USP43: variants seen among roughly 807,000 people sequenced by gnomAD.
USP43 encodes the protein ubiquitin carboxyl-terminal hydrolase 43.
Under a neutral mutation model 90.7 loss-of-function variants are expected in USP43, and 33 were observed. The observed-to-expected ratio is 0.36, with a 90% CI of 0.28 to 0.49. The LOEUF is 0.49. USP43 is among the 20% of genes least tolerant of loss of function. USP43 has a pLI of 0.98. For missense variants in USP43, 1,274 were observed against 1,476.4 expected (o/e 0.86, Z 2.25); for synonymous variants, 598 against 615.8 (o/e 0.97, Z 0.43).
chr17:9,710,200 A>G (rs1916106236), intron 13 of USP43, 86 bp downstream of exon 13: 8 of 1,328,080 alleles, frequency 6.0e-6, no homozygotes, highest in Non-Finnish European at 6.8e-6. Context: ...ATCGAGGACC[A>G]GGAGAGGTTG....
At chr17:9,693,376 C>A in intron 9 of USP43, 146 bp downstream of exon 9, 1 of 690,074 alleles carries the variant, frequency 1.4e-6, no homozygotes, top group Non-Finnish European at 2.5e-6. Flanking sequence ...TATGTTAGGT[C>A]ATTGGGCATG....
chr17:9,683,523 T>C (rs1248735272), intron 7 of USP43, among the ~76,000 whole-genome samples: 2 of 152,276 alleles, frequency 1.3e-5, no homozygotes, highest in Admixed American at 6.5e-5. Context: ...AATTAAACTA[T>C]TATTAATTAG....
chr17:9,714,640 A>G (rs437735), intron 14 of USP43, among the ~76,000 whole-genome samples: 59,976 of 147,368 alleles, frequency 0.41, 15,456 homozygotes, highest in African/African-American at 0.74. Flanking sequence ...CTTAGATCAC[A>G]CCACTGCACT....
At position 9,656,405 on chromosome 17, in the gene USP43, T is replaced by A. The variant is rs571319363; in HGVS notation, c.507T>A (p.Asn169Lys). The A allele has an allele frequency of 6.2e-7, 1 of 1,610,814 alleles. No individual in the cohort carries two copies. Residue 169 changes from asparagine (N) to lysine (K), a missense_variant and splice_region_variant, in exon 2 of 15, where the codon AAT becomes AAA. Around this residue, in one of 6 missense-constraint regions of USP43, gnomAD observed 259 missense variants for 373.7 expected, o/e 0.69. Coordinates refer to ENST00000285199, the MANE Select transcript of USP43 (RefSeq NM_153210.5). The stretch of plus-strand genomic sequence containing the variant: ...TCGATTTCCTTTTTTCCTTTCAGAA[T>A]GCAGTTTCCAAGTACGGCTCTCAGT... ...YTPQLSAEFK[N>K]AVSKYGSQFQ...
At chr17:9,685,535 A>G (rs568826839) in intron 7 of USP43, among the ~76,000 whole-genome samples, 2 of 152,326 alleles carry the variant, frequency 1.3e-5, no homozygotes, top group Admixed American at 1.3e-4. Flanking sequence ...CTAGCTGGTC[A>G]TTTTGAGTAA....
At chr17:9,658,512 A>G (rs1008406262) in intron 2 of USP43, among the ~76,000 whole-genome samples, 4 of 152,194 alleles carry the variant, frequency 2.6e-5, no homozygotes, top group Admixed American at 1.3e-4. Flanking sequence ...ATATTTTAAA[A>G]ATAATCACCC....
At chr17:9,694,661 C>T (rs918982613) in intron 9 of USP43, among the ~76,000 whole-genome samples, 25 of 151,816 alleles carry the variant, frequency 1.6e-4, no homozygotes, top group Non-Finnish European at 3.4e-4. Flanking sequence ...CTCGCTTTGT[C>T]TTCCAGGCTC....
intron 2 of USP43, among the ~76,000 whole-genome samples, chr17:9,666,094 A>C (rs113157587): frequency 0.019 from 2,837 of 152,312 alleles, 73 homozygotes; most frequent in African/African-American, 0.056. Context: ...AAGGGGAATG[A>C]AAAGGACAGC....
At chr17:9,710,196 G>A (rs371882039) in intron 13 of USP43, 82 bp downstream of exon 13, 3 of 1,332,134 alleles carry the variant, frequency 2.3e-6, no homozygotes, top group African/African-American at 3.0e-5. Flanking sequence ...GAACATCGAG[G>A]ACCAGGAGAG....
chr17:9,666,692 A>G lies in USP43; in HGVS notation c.681A>G (p.Pro227=). 6.2e-7 allele frequency: 1 copy of G among 1,613,560 alleles called. No individual in the cohort carries two copies. The highest frequency in any genetic ancestry group is 1.1e-5 in the South Asian group (1 of 90,918). ...AAACCTCTGAGAACTGCCTGTCACC[A>G]TCAGCTCAGCTTCCTCTAGGTCAAA... ...ATKTSENCLS[P]SAQLPLGQSF... Residue 227 remains proline (P), a synonymous_variant, in exon 3 of 15, where the codon CCA becomes CCG. Coordinates refer to ENST00000285199, the MANE Select transcript of USP43 (RefSeq NM_153210.5).
At chr17:9,673,951 C>T (rs141941930) in intron 3 of USP43, among the ~76,000 whole-genome samples, 105 of 152,274 alleles carry the variant, frequency 6.9e-4, no homozygotes, top group African/African-American at 2.3e-3. Context: ...CAGTGATTCT[C>T]TACTATGGGA....
chr17:9,660,779 G>T (rs1473497155), intron 2 of USP43, among the ~76,000 whole-genome samples: 1 of 152,196 alleles, frequency 6.6e-6, no homozygotes, highest in East Asian at 1.9e-4. Flanking sequence ...GGTGGCTATT[G>T]GCTAGAGAGA....
intron 1 of USP43, 74 bp from the exon 2 acceptor site, chr17:9,656,329 C>T (rs1335390032): frequency 1.3e-6 from 2 of 1,542,604 alleles, no homozygotes; most frequent in Admixed American, 3.8e-5. Flanking sequence ...CTTGGTAGAC[C>T]TGGTGCTCAC....
intron 14 of USP43, among the ~76,000 whole-genome samples, chr17:9,715,020 G>A (rs1424864043): frequency 6.6e-6 from 1 of 152,170 alleles, no homozygotes; most frequent in African/African-American, 2.4e-5. Flanking sequence ...GGAGGAAGTG[G>A]CAGTGTGTAC....
Position 9,674,988 on chromosome 17 carries a change from G to A in USP43, c.833+5G>A, listed in dbSNP as rs1396036039. ...TATCCCCTTGCGCCAGACGAGGTAC[G>A]TGAGTGTCGCGGCTTGCCCGGTGAA... On this transcript the variant is annotated splice_donor_5th_base_variant and intron_variant, in intron 4 of 14. Transcript: ENST00000285199. The surrounding 1 kb of genome is among the most constrained non-coding windows in gnomAD (Gnocchi z 4.4). 1 of 1,613,092 alleles carries A rather than the reference G, an allele frequency of 6.2e-7. No homozygotes were observed. The highest frequency in any genetic ancestry group is 2.2e-5 in the East Asian group (1 of 44,886).
chr17:9,709,586 G>C lies in USP43; in HGVS notation c.2012-370G>C, dbSNP rs1916067731. Among the ~76,000 whole-genome samples the C allele has an allele frequency of 6.6e-6, 1 of 151,938 alleles. No homozygotes were observed. The highest frequency in any genetic ancestry group is 1.5e-5 in the Non-Finnish European group (1 of 67,986). ...TAAATATTAGCCGGGTGTGGTGGCA[G>C]GCAACTGTAATCCTAGCTACCCAGG... On this transcript the variant is annotated intron_variant, in intron 12 of 14. Coordinates refer to ENST00000285199, the MANE Select transcript of USP43 (RefSeq NM_153210.5). This position sits in a 1 kb window ranked among gnomAD's most constrained non-coding sequence, Gnocchi z 5.0.
At chr17:9,707,208 G>A (rs906480342) in intron 12 of USP43, among the ~76,000 whole-genome samples, 13 of 152,220 alleles carry the variant, frequency 8.5e-5, no homozygotes, top group East Asian at 1.9e-4. Context: ...CCTGATGTGC[G>A]CATCCATTTA....
chr17:9,725,102 C>T (rs888474615), intron 14 of USP43, among the ~76,000 whole-genome samples: 2 of 152,178 alleles, frequency 1.3e-5, no homozygotes, highest in Non-Finnish European at 2.9e-5. Flanking sequence ...GCAGCATCTG[C>T]TGGCTCCAGA....
rs1387677568 is a variant in USP43 at position 9,681,157 on chromosome 17, TAC to T, written c.1105+792_1105+793del. On this transcript the variant is annotated intron_variant, in intron 6 of 14. Coordinates refer to ENST00000285199, the MANE Select transcript of USP43 (RefSeq NM_153210.5). ...TATATAATATATACTATATAATATA[TAC>T]TATATAATATATACTATATAATATA... is the stretch of plus-strand genomic sequence containing the variant. Among the ~76,000 whole-genome samples, 1,039 of 104,324 alleles carry T rather than the reference TAC, an allele frequency of 1.0e-2. 126 individuals are homozygous for T. Among genetic ancestry groups the T allele is most frequent in the African/African-American group, 0.047 (991 of 21,082 alleles). The allele number at this position is 104,324 out of a possible 152,430, so 68.4% of individuals were successfully genotyped here. A position where few individuals can be genotyped will look rare whatever the true frequency, so the allele number is the denominator to read the frequency against.
Sources: gnomAD v4.1 joint callset for allele counts (sites outside exome capture counted in the v4.1 genomes callset) on GRCh38, gnomAD v4.1.1 for gene constraint, gnomAD v4.1.1 regional missense constraint, Gnocchi (gnomAD v3.1) non-coding constraint, MANE v1.5 for transcripts, NCBI Gene and HGNC (gene_info 2026-07-23, HGNC 2026-07-21) for gene names.